Variants in SLC6A16 observed in about 807,000 individuals in gnomAD.
SLC6A16 encodes the protein orphan sodium- and chloride-dependent neurotransmitter transporter NTT5.
SLC6A16 carries 54 observed loss-of-function variants against 65.4 expected under a neutral mutation model. The ratio of observed to expected loss-of-function variants is 0.83; its 90% CI spans 0.66 to 1.04. The LOEUF is 1.04. Among genes scored for constraint, SLC6A16 ranks in the 50% least tolerant of loss-of-function variants. SLC6A16 has a pLI of 0.00. For synonymous variants in SLC6A16, 330 were observed against 346.5 expected (o/e 0.95, Z 0.53); for missense variants, 816 against 914.0 (o/e 0.89, Z 1.38).
intron 1 of SLC6A16, among the ~76,000 whole-genome samples, chr19:49,313,342 T>C (rs1026729608): frequency 2.6e-5 from 4 of 152,126 alleles, no homozygotes; most frequent in African/African-American, 9.6e-5. Context: ...TTTAAAAGTT[T>C]TTTTCAAGAT....
chr19:49,326,912 G>A (rs560298707), upstream of SLC6A16, among the ~76,000 whole-genome samples: 49 of 151,780 alleles, frequency 3.2e-4, no homozygotes, highest in African/African-American at 1.1e-3. Context: ...CCAGCTACTC[G>A]GGTGGCTGAG....
At chr19:49,321,499 G>T (rs891779440) in intron 1 of SLC6A16, among the ~76,000 whole-genome samples, 24 of 151,932 alleles carry the variant, frequency 1.6e-4, no homozygotes, top group African/African-American at 4.6e-4. Flanking sequence ...ACTTTGGGAG[G>T]CCAAGGCGGG....
the SLC6A16 span, chr19:49,335,789 G>A: frequency 6.2e-7 from 1 of 1,608,164 alleles, no homozygotes; most frequent in Non-Finnish European, 8.5e-7. This position sits in a 1 kb window ranked among gnomAD's most constrained non-coding sequence, Gnocchi z 4.6. Context: ...CTTTGTGGGT[G>A]AGGGGGGCTG....
intron 1 of SLC6A16, among the ~76,000 whole-genome samples, chr19:49,316,202 A>C (rs993721110): frequency 2.6e-5 from 4 of 152,240 alleles, no homozygotes; most frequent in African/African-American, 9.6e-5. Context: ...AATATAGAGT[A>C]AAATCCTGGG....
intron 1 of SLC6A16, among the ~76,000 whole-genome samples, chr19:49,318,694 ATAGCTAGC>A (rs1416039734): frequency 1.3e-5 from 2 of 152,176 alleles, no homozygotes; most frequent in African/African-American, 4.8e-5. Context: ...AGATAGCTAG[ATAGCTAGC>A]TAGCTAGACA....
intron 3 of SLC6A16, 45 bp from the exon 4 acceptor site, chr19:49,310,211 G>A: frequency 3.7e-6 from 6 of 1,612,272 alleles, no homozygotes; most frequent in Non-Finnish European, 5.1e-6. Flanking sequence ...AGCAGGGACA[G>A]GAAAAGGGAG....
chr19:49,338,957 T>C, the SLC6A16 span: 1 of 1,584,300 alleles, frequency 6.3e-7, no homozygotes, highest in Non-Finnish European at 8.7e-7. The surrounding 1 kb of genome is among the most constrained non-coding windows in gnomAD (Gnocchi z 5.0). Flanking sequence ...GTTCGGAGCA[T>C]AAACCTGTCG....
At chr19:49,304,070 A>G (rs1293399147) in intron 7 of SLC6A16, among the ~76,000 whole-genome samples, 1 of 152,252 alleles carries the variant, frequency 6.6e-6, no homozygotes, top group African/African-American at 2.4e-5. Context: ...GAGACCAGCA[A>G]CTGGGACAGG....
chr19:49,298,233 C>A (rs1970220065), intron 7 of SLC6A16, among the ~76,000 whole-genome samples: 1 of 152,154 alleles, frequency 6.6e-6, no homozygotes, highest in African/African-American at 2.4e-5. Flanking sequence ...CTTAAAAGCA[C>A]TTGCAACAAC....
At chr19:49,315,268 AAAAACAATCACTTGCC>A (rs1376443109) in intron 1 of SLC6A16, among the ~76,000 whole-genome samples, 2 of 152,194 alleles carry the variant, frequency 1.3e-5, no homozygotes, top group Non-Finnish European at 2.9e-5. Context: ...TGTGGGAAAT[AAAAACAATCACTTGCC>A]AAAGACCTTC....
At chr19:49,299,546 A>AAAAAAAAG (rs1555775036) in intron 7 of SLC6A16, among the ~76,000 whole-genome samples, 5 of 126,488 alleles carry the variant, frequency 4.0e-5, no homozygotes, top group Non-Finnish European at 6.3e-5. Flanking sequence ...AAAAAAAAAA[A>AAAAAAAAG]AAAGAAAGAA....
upstream of SLC6A16, among the ~76,000 whole-genome samples, chr19:49,329,622 CTTTTTTTTTT>C (rs71180620): frequency 4.2e-5 from 3 of 70,728 alleles, no homozygotes; most frequent in South Asian, 1.9e-3. Flanking sequence ...AAGGCCTTGT[CTTTTTTTTTT>C]TTTTTTTTTT....
At chr19:49,338,001 A>C in the SLC6A16 span, 26 of 1,613,886 alleles carry the variant, frequency 1.6e-5, no homozygotes, top group Non-Finnish European at 2.2e-5. The surrounding 1 kb of genome is among the most constrained non-coding windows in gnomAD (Gnocchi z 5.0). Flanking sequence ...ACCGCGGCCG[A>C]GGAGAGCTGG....
In SLC6A16 at chr19:49,293,905, T is replaced by C; in HGVS notation, c.1540A>G (p.Ile514Val). The change falls in exon 9 of 12, where the codon ATA (isoleucine) becomes GTA (valine). Residue 514 changes from isoleucine to valine, a missense_variant. Ile to Val is a conservative substitution (Grantham distance 29, BLOSUM62 3). Transcript: ENST00000335875. ...GTAATGATGCCCTGCATAATCCCTATTGCGCTGCTCAGCCCCATGGCCAGC... is the reference window on the plus strand; with the variant it reads ...GTAATGATGCCCTGCATAATCCCTACTGCGCTGCTCAGCCCCATGGCCAGC... ...MLLAMGLSSA[I>V]GIMQGIITPL... 6.2e-7 allele frequency: 1 copy of C among 1,614,020 alleles called. No individual in the cohort carries two copies. Among genetic ancestry groups the C allele is most frequent in the Non-Finnish European group, 8.5e-7 (1 of 1,180,010 alleles).
At chr19:49,336,967 C>T in the SLC6A16 span, 1 of 1,614,174 alleles carries the variant, frequency 6.2e-7, no homozygotes, top group South Asian at 1.1e-5. Flanking sequence ...CAGGAATCTT[C>T]ACCATGGGCA....
the SLC6A16 span, chr19:49,338,995 G>A: frequency 7.5e-7 from 1 of 1,339,198 alleles, no homozygotes; most frequent in Non-Finnish European, 1.1e-6. The surrounding 1 kb of genome is among the most constrained non-coding windows in gnomAD (Gnocchi z 5.0). Context: ...GGGAGGGGGA[G>A]GGCTGTCAGT....
Position 49,311,121 on chromosome 19 carries a change from G to A in SLC6A16, c.227C>T (p.Thr76Ile). The change falls in exon 2 of 12, where the codon ACT becomes ATT. Residue 76 changes from threonine to isoleucine, a missense_variant. Coordinates refer to ENST00000335875, the MANE Select transcript of SLC6A16 (RefSeq NM_014037.3). ...GGGTTTCTGGTTCAGGGCTGAGGCA[G>A]TTAACGCCTCCAATACAGAAATTTG... is the stretch of plus-strand genomic sequence containing the variant. ...PKQISVLEAL[T>I]ASALNQKPTH... 2 of 1,614,196 alleles carry A rather than the reference G, an allele frequency of 1.2e-6. No homozygotes were observed. Among genetic ancestry groups the A allele is most frequent in the Non-Finnish European group, 1.7e-6 (2 of 1,180,034 alleles).
At chr19:49,338,610 G>A in the SLC6A16 span, 3 of 936,446 alleles carry the variant, frequency 3.2e-6, no homozygotes, top group Non-Finnish European at 5.1e-6. This position sits in a 1 kb window ranked among gnomAD's most constrained non-coding sequence, Gnocchi z 5.0. Flanking sequence ...CCTGCTCCCC[G>A]ACCTGACCTC....
At chr19:49,315,049 A>C (rs1239655124) in intron 1 of SLC6A16, among the ~76,000 whole-genome samples, 6 of 151,728 alleles carry the variant, frequency 4.0e-5, no homozygotes, top group African/African-American at 1.5e-4. Flanking sequence ...AAAAAAAAAA[A>C]CCAATGATTT....
Sources: gnomAD v4.1 joint callset for allele counts (sites outside exome capture counted in the v4.1 genomes callset) on GRCh38, gnomAD v4.1.1 for gene constraint, Gnocchi (gnomAD v3.1) non-coding constraint, MANE v1.5 for transcripts, NCBI Gene and HGNC (gene_info 2026-07-23, HGNC 2026-07-21) for gene names.